Variants in ABCA1 observed in about 807,000 individuals in gnomAD.
The protein encoded by ABCA1 is ATP binding cassette subfamily A member 1, also known as phospholipid-transporting ATPase ABCA1.
In ABCA1, 133 loss-of-function variants were observed where a neutral mutation model predicts 262.5. The observed-to-expected ratio is 0.51, with a 90% CI of 0.44 to 0.59. The LOEUF (loss-of-function observed/expected upper bound fraction) is 0.59. ABCA1 is among the 20% of genes least tolerant of loss of function. The pLI is 0.00. For missense variants in ABCA1, 2,452 were observed against 2,777.5 expected, an observed-to-expected ratio of 0.88 and a Z score of 2.63; for synonymous variants, 1,022 against 1,043.5, an observed-to-expected ratio of 0.98 and a Z score of 0.40.
chr9:104,862,631 T>TGCTGGGCCGG lies in ABCA1; in HGVS notation c.422-832_422-831insCCGGCCCAGC, dbSNP rs1294855458. On this transcript the variant is annotated intron_variant, in intron 5 of 49. Transcript: ENST00000374736. ...CTGGAGAGCTTGTTAAAATGCAGAC[T>TGCTGGGCCGG]GCCGGGCCGGGCCGGGCCGGGCCGG... 9.6e-4 allele frequency among the ~76,000 whole-genome samples: 22 copies of TGCTGGGCCGG among 22,952 alleles called. 7 individuals are homozygous for TGCTGGGCCGG. Among genetic ancestry groups the TGCTGGGCCGG allele is most frequent in the Non-Finnish European group, 1.3e-3 (17 of 13,184 alleles). 15.1% of individuals were successfully genotyped at this position (22,952 alleles called of 152,430 possible). A position where few individuals can be genotyped will look rare whatever the true frequency, so the allele number is the denominator to read the frequency against.
chr9:104,820,729 G>A (rs1832246199), intron 20 of ABCA1, among the ~76,000 whole-genome samples: 1 of 151,852 alleles, frequency 6.6e-6, no homozygotes, highest in Non-Finnish European at 1.5e-5. Flanking sequence ...ACCAGGTCTG[G>A]GAAGTCTGCT....
intron 15 of ABCA1, 122 bp from the exon 16 acceptor site, chr9:104,827,291 T>G: frequency 1.2e-6 from 1 of 840,782 alleles, no homozygotes; most frequent in Non-Finnish European, 2.0e-6. Flanking sequence ...AGAGGCGTAA[T>G]GCTGTTCATC....
In ABCA1 at chr9:104,875,992, G is replaced by A. The variant is rs115983815; in HGVS notation, c.421+7047C>T. On this transcript the variant is annotated intron_variant, in intron 5 of 49. Coordinates refer to ENST00000374736, the MANE Select transcript of ABCA1 (RefSeq NM_005502.4). The stretch of plus-strand genomic sequence containing the variant: ...CTTACTGGGCTTCTAGAGTTAAAAG[G>A]TACTGGTGTGGCCATAACTTTGGAC... 4.1e-3 allele frequency among the ~76,000 whole-genome samples: 630 copies of A among 152,302 alleles called. 8 individuals carry two copies. The highest frequency in any genetic ancestry group is 0.015 in the African/African-American group (611 of 41,574).
chr9:104,900,226 C>T (rs1840552341), intron 2 of ABCA1, among the ~76,000 whole-genome samples: 1 of 152,150 alleles, frequency 6.6e-6, no homozygotes, highest in South Asian at 2.1e-4. Context: ...AGCACACAGG[C>T]TTTATGTATG....
intron 20 of ABCA1, among the ~76,000 whole-genome samples, chr9:104,821,056 A>T (rs1832291080): frequency 6.6e-6 from 1 of 152,140 alleles, no homozygotes. Flanking sequence ...CATCCTGGCC[A>T]ACATGGTGAA....
chr9:104,898,672 C>T lies in ABCA1; in HGVS notation c.66+4942G>A, dbSNP rs1014776396. On this transcript the variant is annotated intron_variant, in intron 2 of 49. Coordinates refer to ENST00000374736, the MANE Select transcript of ABCA1 (RefSeq NM_005502.4). ...TCATGTCTACTACCAACTCATCCCCCGCCAGTCTTATTCACTCCACCAGTG... is the reference window on the plus strand; with the variant it reads ...TCATGTCTACTACCAACTCATCCCCTGCCAGTCTTATTCACTCCACCAGTG... Among the ~76,000 whole-genome samples, 8 of 152,070 alleles carry T rather than the reference C, an allele frequency of 5.3e-5. No individual in the cohort carries two copies. In the South Asian group the frequency reaches 8.3e-4, roughly 16 times the overall value.
chr9:104,866,196 A>C (rs2119124263), intron 5 of ABCA1, among the ~76,000 whole-genome samples: 1 of 152,310 alleles, frequency 6.6e-6, no homozygotes, highest in East Asian at 1.9e-4. Flanking sequence ...AGATAATTAG[A>C]GAAGAGATTT....
chr9:104,800,031 G>C (rs531334733), intron 35 of ABCA1, 43 bp from the exon 36 acceptor site: 1 of 1,612,364 alleles, frequency 6.2e-7, no homozygotes, highest in African/African-American at 1.3e-5. Context: ...CCCCCAAACC[G>C]GGCTCCTGCA....
chr9:104,794,299 G>C (rs1439739107), intron 40 of ABCA1, 88 bp downstream of exon 40: 19 of 1,596,956 alleles, frequency 1.2e-5, no homozygotes, highest in Non-Finnish European at 1.6e-5. Context: ...TTAGTCACCT[G>C]CTTCTTTCCA....
chr9:104,789,819 C>T (rs919878618), intron 44 of ABCA1, among the ~76,000 whole-genome samples: 2 of 152,168 alleles, frequency 1.3e-5, no homozygotes, highest in African/African-American at 4.8e-5. Context: ...AGAAGCCGGG[C>T]GCAGTGGCTC....
Position 104,855,537 on chromosome 9 carries a change from G to A in ABCA1, c.720+2985C>T, listed in dbSNP as rs1835763174. On this transcript the variant is annotated intron_variant, in intron 7 of 49. Coordinates refer to ENST00000374736, the MANE Select transcript of ABCA1 (RefSeq NM_005502.4). ...TCTATCTTGACGCAATTGTTTTCAA[G>A]GACATAATTTCTACTACTCATGTCA... is the stretch of plus-strand genomic sequence containing the variant. The A allele has an allele frequency of 2.6e-5, 23 of 897,688 alleles. No individual in the cohort carries two copies. In the South Asian group the frequency reaches 4.9e-4, roughly 19 times the overall value. 55.6% of individuals were successfully genotyped at this position (897,688 alleles called of 1,614,324 possible). A position where few individuals can be genotyped will look rare whatever the true frequency, so the allele number is the denominator to read the frequency against.
intron 44 of ABCA1, among the ~76,000 whole-genome samples, chr9:104,790,150 T>C (rs1377225827): frequency 6.6e-6 from 1 of 151,242 alleles, no homozygotes; most frequent in South Asian, 2.1e-4. Context: ...TAGAGTAACA[T>C]TATCTAAGAA....
intron 49 of ABCA1, among the ~76,000 whole-genome samples, chr9:104,784,996 C>T (rs1304460289): frequency 6.6e-6 from 1 of 152,130 alleles, no homozygotes; most frequent in Non-Finnish European, 1.5e-5. Context: ...ACTGCTCAGT[C>T]ATCCATTTAC....
At chr9:104,857,165 G>A (rs866802343) in intron 7 of ABCA1, among the ~76,000 whole-genome samples, 7 of 152,120 alleles carry the variant, frequency 4.6e-5, no homozygotes, top group Admixed American at 1.3e-4. Flanking sequence ...ATAGCTGGGC[G>A]TGGTGGCAGG....
Position 104,883,041 on chromosome 9 carries a change from G to C in ABCA1, c.419C>G (p.Ser140Ter). The part of the protein sequence containing the change: ...RTLQQIKKSS[S>*]NLKLQDFLVD... ...ATGCAGAGAAGGTTTTTACTTACTT[G>C]AGCTGGATTTCTTGATCTGCTGTAA... The change falls in exon 5 of 50, where the codon TCA (serine) becomes TGA (stop). Residue 140 changes from serine (S) to a stop codon, truncating the protein, a stop_gained and splice_region_variant. Transcript: ENST00000374736. LOFTEE classifies it high-confidence loss of function. The C allele has an allele frequency of 6.2e-7, 1 of 1,612,036 alleles. No individual in the cohort carries two copies. The highest frequency in any genetic ancestry group is 8.5e-7 in the Non-Finnish European group (1 of 1,178,088).
At chr9:104,801,710 T>A (rs1446450064) in intron 34 of ABCA1, among the ~76,000 whole-genome samples, 2 of 151,828 alleles carry the variant, frequency 1.3e-5, no homozygotes, top group African/African-American at 4.8e-5. Context: ...CCCAGCTAAT[T>A]TTTTTGTATT....
rs1168261333 is a variant in ABCA1, at chr9:104,781,248, G to C, written c.*3067C>G. Reference sequence around the variant, plus strand: ...ACAGCGTAAAGTGCTTGGAATGAGGGCCAATGATGAACAAAGAGCACAAAA... The same window carrying C: ...ACAGCGTAAAGTGCTTGGAATGAGGCCCAATGATGAACAAAGAGCACAAAA... On this transcript the variant is annotated 3_prime_UTR_variant, in exon 50 of 50. Coordinates refer to ENST00000374736, the MANE Select transcript of ABCA1 (RefSeq NM_005502.4). 2 of 152,526 alleles carry C rather than the reference G, an allele frequency of 1.3e-5. No homozygotes were observed. Among genetic ancestry groups the C allele is most frequent in the Non-Finnish European group, 2.9e-5 (2 of 68,010 alleles). 9.4% of individuals were successfully genotyped at this position (152,526 alleles called of 1,614,324 possible). A position where few individuals can be genotyped will look rare whatever the true frequency, so the allele number is the denominator to read the frequency against.
intron 11 of ABCA1, among the ~76,000 whole-genome samples, chr9:104,835,180 G>A (rs1427057517): frequency 2.6e-5 from 4 of 151,578 alleles, no homozygotes; most frequent in Non-Finnish European, 5.9e-5. Flanking sequence ...CCCAGGAGGC[G>A]GAGGCTGTGG....
chr9:104,802,523 C>T (rs1313713167), intron 33 of ABCA1, among the ~76,000 whole-genome samples: 1 of 152,110 alleles, frequency 6.6e-6, no homozygotes, highest in Non-Finnish European at 1.5e-5. Flanking sequence ...CCTGCACTGT[C>T]CAGAGTAGGC....
Sources: allele counts gnomAD v4.1 joint callset (sites outside exome capture counted in the v4.1 genomes callset), GRCh38; gene constraint gnomAD v4.1.1; transcripts MANE v1.5; gene names NCBI Gene and HGNC (gene_info 2026-07-23, HGNC 2026-07-21).